The following SPAG16 variants were observed in gnomAD, a reference collection of about 807,000 sequenced individuals.
SPAG16 encodes the protein sperm associated antigen 16.
SPAG16 carries 86 observed loss-of-function variants against 80.4 expected under a neutral mutation model. The ratio of observed to expected loss-of-function variants is 1.07; its 90% CI spans 0.90 to 1.28. SPAG16 has a LOEUF of 1.28. Among genes scored for constraint, SPAG16 ranks in the 50% most tolerant of loss-of-function variants. SPAG16 has a pLI of 0.00. For synonymous variants in SPAG16, 294 were observed against 265.9 expected (o/e 1.11, Z -1.03); for missense variants, 870 against 765.3 (o/e 1.14, Z -1.61).
chr2:213,645,527 G>A (rs1306626777), intron 10 of SPAG16, among the ~76,000 whole-genome samples: 1 of 152,152 alleles, frequency 6.6e-6, no homozygotes, highest in South Asian at 2.1e-4. Flanking sequence ...CTGGCCCAGG[G>A]TGTTTGTCTA....
Position 213,498,608 on chromosome 2 carries a change from A to G in SPAG16, c.1070+8518A>G, listed in dbSNP as rs545069887. Among the ~76,000 whole-genome samples the G allele has an allele frequency of 9.9e-5, 15 of 152,264 alleles. 1 individual carries two copies. In the Middle Eastern group the frequency reaches 0.014, roughly 138 times the overall value. ...GCTGCAATGACTGTTAATTCAGAGT[A>G]CCTCATGAAATAGGACATTTCAACT... is the stretch of plus-strand genomic sequence containing the variant. On this transcript the variant is annotated intron_variant, in intron 10 of 15. Coordinates refer to ENST00000331683, the MANE Select transcript of SPAG16 (RefSeq NM_024532.5).
intron 5 of SPAG16, among the ~76,000 whole-genome samples, chr2:213,338,628 A>G (rs1031643972): frequency 6.6e-6 from 1 of 152,350 alleles, no homozygotes; most frequent in Non-Finnish European, 1.5e-5. Context: ...CCCATCAATG[A>G]TAGACTGGAT....
intron 15 of SPAG16, among the ~76,000 whole-genome samples, chr2:214,207,606 T>C (rs149551855): frequency 6.6e-6 from 1 of 152,308 alleles, no homozygotes; most frequent in East Asian, 1.9e-4. Context: ...ATTTTGATGG[T>C]TAATATTACG....
chr2:213,370,397 C>A (rs776335082), intron 8 of SPAG16, among the ~76,000 whole-genome samples: 1 of 152,062 alleles, frequency 6.6e-6, no homozygotes, highest in Non-Finnish European at 1.5e-5. Flanking sequence ...TGACTACTTC[C>A]TACCCTTTTC....
chr2:214,109,637 G>C (rs1259552030), intron 14 of SPAG16, among the ~76,000 whole-genome samples: 2 of 152,152 alleles, frequency 1.3e-5, no homozygotes, highest in Non-Finnish European at 2.9e-5. Flanking sequence ...AATTGTGCTT[G>C]TGTCATTGTC....
At chr2:214,247,036 G>C (rs1386123995) in intron 15 of SPAG16, among the ~76,000 whole-genome samples, 1 of 152,010 alleles carries the variant, frequency 6.6e-6, no homozygotes, top group Non-Finnish European at 1.5e-5. Context: ...ATTACACCAA[G>C]ACACAACACT....
chr2:213,488,788 T>C (rs1309423944), intron 9 of SPAG16, among the ~76,000 whole-genome samples: 1 of 152,112 alleles, frequency 6.6e-6, no homozygotes, highest in African/African-American at 2.4e-5. Context: ...TAGAAATATA[T>C]TATTTCACGC....
intron 1 of SPAG16, 105 bp from the exon 2 acceptor site, chr2:213,295,959 C>G: frequency 1.1e-6 from 1 of 893,472 alleles, no homozygotes; most frequent in Admixed American, 2.0e-5. Context: ...TACCAACTTC[C>G]TGGTGAGATA....
At chr2:213,474,525 C>T (rs533388765) in intron 9 of SPAG16, among the ~76,000 whole-genome samples, 106 of 152,188 alleles carry the variant, frequency 7.0e-4, no homozygotes, top group Non-Finnish European at 1.4e-3. Flanking sequence ...TAACTCCTTG[C>T]CTCTCATGTT....
intron 10 of SPAG16, among the ~76,000 whole-genome samples, chr2:213,703,009 A>G (rs1048709318): frequency 1.3e-5 from 2 of 152,164 alleles, no homozygotes; most frequent in Admixed American, 1.3e-4. Flanking sequence ...AGGTGTGCTC[A>G]TGTGATATGG....
At chr2:213,848,910 A>T (rs2074764694) in intron 10 of SPAG16, among the ~76,000 whole-genome samples, 1 of 152,086 alleles carries the variant, frequency 6.6e-6, no homozygotes, top group African/African-American at 2.4e-5. Flanking sequence ...AGTCTTAGGA[A>T]TTTTTTTAGT....
chr2:213,824,107 G>A (rs1575247734), intron 10 of SPAG16, among the ~76,000 whole-genome samples: 1 of 152,164 alleles, frequency 6.6e-6, no homozygotes, highest in South Asian at 2.1e-4. Flanking sequence ...TAAGGAAGGG[G>A]TCCAGTTTCA....
At chr2:213,765,166 C>T (rs1255472393) in intron 10 of SPAG16, among the ~76,000 whole-genome samples, 6 of 152,148 alleles carry the variant, frequency 3.9e-5, no homozygotes, top group African/African-American at 7.2e-5. Context: ...GTCAGGAGAC[C>T]GAGACCATCC....
intron 12 of SPAG16, among the ~76,000 whole-genome samples, chr2:214,002,747 G>A (rs1165340914): frequency 1.3e-5 from 2 of 152,178 alleles, no homozygotes; most frequent in African/African-American, 4.8e-5. Flanking sequence ...CCCAGATTGA[G>A]CAAAGAGCAA....
chr2:213,893,455 A>G (rs1396964348), intron 11 of SPAG16, among the ~76,000 whole-genome samples: 1 of 152,198 alleles, frequency 6.6e-6, no homozygotes, highest in African/African-American at 2.4e-5. Flanking sequence ...CAATTCACTC[A>G]TAACTCTAGT....
chr2:213,943,896 A>C (rs936987420), intron 12 of SPAG16, among the ~76,000 whole-genome samples: 1 of 152,234 alleles, frequency 6.6e-6, no homozygotes, highest in Admixed American at 6.5e-5. Context: ...TACACCACAG[A>C]AATACTGGCA....
chr2:213,425,651 C>CAA (rs34843702), intron 9 of SPAG16, among the ~76,000 whole-genome samples: 2,228 of 81,884 alleles, frequency 0.027, 82 homozygotes, highest in African/African-American at 0.075. Flanking sequence ...GACTCCATCT[C>CAA]AAAAAAAAAA....
chr2:213,625,787 G>C (rs530196129), intron 10 of SPAG16, among the ~76,000 whole-genome samples: 1 of 151,836 alleles, frequency 6.6e-6, no homozygotes, highest in East Asian at 1.9e-4. Context: ...AGGTGAGTTC[G>C]AGTGATTCTC....
chr2:213,785,389 G>T (rs910389010), intron 10 of SPAG16, among the ~76,000 whole-genome samples: 1 of 152,110 alleles, frequency 6.6e-6, no homozygotes, highest in African/African-American at 2.4e-5. Context: ...TAGTTGTATA[G>T]ATTATCAATA....
Sources: allele counts gnomAD v4.1 joint callset (sites outside exome capture counted in the v4.1 genomes callset), GRCh38; gene constraint gnomAD v4.1.1; transcripts MANE v1.5; gene names NCBI Gene and HGNC (gene_info 2026-07-23, HGNC 2026-07-21).